Variants in DLGAP1 observed in about 807,000 individuals in gnomAD.
DLGAP1 encodes DLG associated protein 1, also known as disks large-associated protein 1.
Under a neutral mutation model 90.8 loss-of-function variants are expected in DLGAP1, and 11 were observed. That is an observed-to-expected ratio of 0.12 (90% CI 0.08 to 0.20). DLGAP1 has a LOEUF of 0.20. Ranked by LOEUF, DLGAP1 falls within the 10% of genes least tolerant of loss-of-function variation. The probability of loss-of-function intolerance (pLI) is 1.00; values close to 1 mark genes in which losing one functional copy is unlikely to be tolerated. For synonymous variants in DLGAP1, 558 were observed against 540.7 expected, an observed-to-expected ratio of 1.03 and a Z score of -0.44; for missense variants, 1,050 against 1,333.8, an observed-to-expected ratio of 0.79 and a Z score of 3.31.
At position 3,860,783 on chromosome 18, in the gene DLGAP1, A is replaced by G. The variant is rs112328492; in HGVS notation, c.957+18329T>C. On this transcript the variant is annotated intron_variant, in intron 4 of 12. Transcript: ENST00000315677. Reference sequence around the variant, plus strand: ...AGTGATTTTCAGGTACTTGTCAGGCATGGGGGATATAGGGCTGAACTATTG... The same window carrying G: ...AGTGATTTTCAGGTACTTGTCAGGCGTGGGGGATATAGGGCTGAACTATTG... 6.1e-3 allele frequency among the ~76,000 whole-genome samples: 928 copies of G among 152,330 alleles called. 3 individuals carry two copies. Among genetic ancestry groups the G allele is most frequent in the Non-Finnish European group, 9.4e-3 (639 of 68,032 alleles).
chr18:3,728,664 C>T (rs1043854402), intron 7 of DLGAP1, among the ~76,000 whole-genome samples: 1 of 152,170 alleles, frequency 6.6e-6, no homozygotes, highest in African/African-American at 2.4e-5. Flanking sequence ...TTCTTATTTT[C>T]TCACAGTGAT....
intron 5 of DLGAP1, among the ~76,000 whole-genome samples, chr18:3,769,430 T>A (rs1024609394): frequency 2.0e-5 from 3 of 152,174 alleles, no homozygotes; most frequent in African/African-American, 7.2e-5. Context: ...GTATGTTCAC[T>A]CAGAAACCTT....
intron 4 of DLGAP1, among the ~76,000 whole-genome samples, chr18:3,862,331 G>A (rs2070120852): frequency 6.6e-6 from 1 of 152,222 alleles, no homozygotes; most frequent in South Asian, 2.1e-4. Flanking sequence ...TCCTAGAGGT[G>A]TCAAAACATT....
chr18:4,162,256 T>C (rs1327513074), intron 1 of DLGAP1, among the ~76,000 whole-genome samples: 1 of 152,164 alleles, frequency 6.6e-6, no homozygotes, highest in Non-Finnish European at 1.5e-5. Context: ...TTTGTGCATA[T>C]ACTCAAAAGC....
chr18:4,275,648 T>C (rs888480453), intron 1 of DLGAP1, among the ~76,000 whole-genome samples: 1 of 151,828 alleles, frequency 6.6e-6, no homozygotes, highest in Non-Finnish European at 1.5e-5. Context: ...AAACTGAGCA[T>C]GGCTCATTCT....
chr18:4,060,578 G>T (rs1395882303), intron 2 of DLGAP1, among the ~76,000 whole-genome samples: 1 of 152,112 alleles, frequency 6.6e-6, no homozygotes, highest in African/African-American at 2.4e-5. Flanking sequence ...TCTTGAGGAA[G>T]AATAGCTTCT....
intron 1 of DLGAP1, among the ~76,000 whole-genome samples, chr18:4,425,128 A>C (rs1330782718): frequency 6.6e-6 from 1 of 151,994 alleles, no homozygotes; most frequent in Non-Finnish European, 1.5e-5. Context: ...TCATTTCTTG[A>C]AGCTCAAAAT....
At chr18:3,896,539 A>AT (rs1433699753) in intron 3 of DLGAP1, 1 of 152,260 alleles carries the variant, frequency 6.6e-6, no homozygotes, top group Non-Finnish European at 1.5e-5. Context: ...CTGGGAATGC[A>AT]TACCATCAGG....
chr18:4,398,602 A>C (rs2082486984), intron 1 of DLGAP1, among the ~76,000 whole-genome samples: 1 of 152,204 alleles, frequency 6.6e-6, no homozygotes, highest in African/African-American at 2.4e-5. Context: ...ATGGACGTTG[A>C]AGGCATTATT....
At chr18:4,142,269 T>C (rs1176336087) in intron 2 of DLGAP1, among the ~76,000 whole-genome samples, 1 of 152,210 alleles carries the variant, frequency 6.6e-6, no homozygotes, top group African/African-American at 2.4e-5. Flanking sequence ...ACATTTATGC[T>C]TCTTTCAGAG....
intron 1 of DLGAP1, among the ~76,000 whole-genome samples, chr18:4,300,528 T>C (rs627777): frequency 0.61 from 93,222 of 151,830 alleles, 29,714 homozygotes; most frequent in East Asian, 0.77. Context: ...TGCAATACTC[T>C]AGAAATTTTT....
chr18:4,118,374 T>C (rs910477331), intron 2 of DLGAP1, among the ~76,000 whole-genome samples: 9 of 151,952 alleles, frequency 5.9e-5, no homozygotes, highest in African/African-American at 2.2e-4. Context: ...AGGTACGGAG[T>C]GTGTGTGGCC....
At chr18:4,432,696 T>C (rs1313420514) in intron 1 of DLGAP1, among the ~76,000 whole-genome samples, 2 of 152,084 alleles carry the variant, frequency 1.3e-5, no homozygotes, top group South Asian at 2.1e-4. Context: ...TGCTGTACAA[T>C]AGATCTCCAG....
intron 5 of DLGAP1, among the ~76,000 whole-genome samples, chr18:3,787,770 A>G (rs2065528294): frequency 6.6e-6 from 1 of 152,052 alleles, no homozygotes; most frequent in African/African-American, 2.4e-5. Flanking sequence ...AAAATATGGC[A>G]CTTTGATATG....
chr18:3,639,448 G>T (rs1318557469), intron 7 of DLGAP1, among the ~76,000 whole-genome samples: 1 of 151,976 alleles, frequency 6.6e-6, no homozygotes, highest in Non-Finnish European at 1.5e-5. Flanking sequence ...TATTAGCAGC[G>T]TCCAGAGGAG....
rs904556716 is a variant in DLGAP1, at chr18:3,819,199, A to C, written c.958-4926T>G. ...ATGGTGGGTGCCTGTAATCCCAGCT[A>C]TTCAGGAGGCTGAAGCAGGAGAATC... On this transcript the variant is annotated intron_variant, in intron 4 of 12. Coordinates refer to ENST00000315677, the MANE Select transcript of DLGAP1 (RefSeq NM_004746.4). 1.8e-4 allele frequency among the ~76,000 whole-genome samples: 27 copies of C among 151,998 alleles called. 1 individual carries two copies. Among genetic ancestry groups the C allele is most frequent in the Admixed American group, 1.5e-3 (23 of 15,262 alleles).
intron 1 of DLGAP1, among the ~76,000 whole-genome samples, chr18:4,164,511 C>A (rs1240930342): frequency 6.6e-6 from 1 of 151,986 alleles, no homozygotes; most frequent in Non-Finnish European, 1.5e-5. Flanking sequence ...GAAACCCCGT[C>A]CCTACTAAAA....
intron 2 of DLGAP1, among the ~76,000 whole-genome samples, chr18:4,118,646 G>GGGGAGCTA (rs1462111148): frequency 1.3e-5 from 2 of 151,770 alleles, no homozygotes; most frequent in Non-Finnish European, 2.9e-5. Flanking sequence ...GCCCCAGGCT[G>GGGGAGCTA]GGGAGCTGGG....
intron 1 of DLGAP1, among the ~76,000 whole-genome samples, chr18:4,382,449 G>GA (rs535072543): frequency 9.3e-4 from 136 of 145,582 alleles, no homozygotes; most frequent in South Asian, 3.2e-3. Flanking sequence ...TTGATCATGA[G>GA]AAAAAAAATA....
Sources: allele counts gnomAD v4.1 joint callset (sites outside exome capture counted in the v4.1 genomes callset), GRCh38; gene constraint gnomAD v4.1.1; transcripts MANE v1.5; gene names NCBI Gene and HGNC (gene_info 2026-07-23, HGNC 2026-07-21).